AVL9: variants seen among roughly 807,000 people sequenced by gnomAD.
AVL9 encodes the protein late secretory pathway protein AVL9 homolog.
A neutral mutation model predicts 79.2 loss-of-function variants in AVL9; 49 were observed. The observed-to-expected ratio is 0.62, with a 90% CI of 0.49 to 0.79. The LOEUF (loss-of-function observed/expected upper bound fraction) is 0.79. Ranked by LOEUF, AVL9 falls within the 30% of genes least tolerant of loss-of-function variation. The pLI is 0.00. For synonymous variants in AVL9, 299 were observed against 280.6 expected, an observed-to-expected ratio of 1.07 and a Z score of -0.65; for missense variants, 682 against 776.8, an observed-to-expected ratio of 0.88 and a Z score of 1.45.
Position 32,495,642 on chromosome 7 carries a change from A to C in AVL9, c.-68A>C. ...ACCCGAAGTCCGCGGCTTTCCGCAC[A>C]CGGTGGGGTCGTCAGACCCGCTGCC... is the stretch of plus-strand genomic sequence containing the variant. On this transcript the variant is annotated 5_prime_UTR_variant, in exon 1 of 16. Transcript: ENST00000318709. The C allele has an allele frequency of 9.1e-7, 1 of 1,098,756 alleles. No homozygotes were observed. Among genetic ancestry groups the C allele is most frequent in the Non-Finnish European group, 1.2e-6 (1 of 851,342 alleles). 68.1% of individuals were successfully genotyped at this position (1,098,756 alleles called of 1,614,324 possible).
intron 1 of AVL9, among the ~76,000 whole-genome samples, chr7:32,504,112 A>T (rs1340115628): frequency 6.6e-6 from 1 of 152,238 alleles, no homozygotes; most frequent in Non-Finnish European, 1.5e-5. Flanking sequence ...GCCTCATGAA[A>T]TTTCAATATT....
intron 1 of AVL9, among the ~76,000 whole-genome samples, chr7:32,525,755 ATGT>A (rs1410086786): frequency 6.6e-6 from 1 of 152,142 alleles, no homozygotes; most frequent in Non-Finnish European, 1.5e-5. Context: ...CAAAATATTA[ATGT>A]TATTTATTTC....
chr7:32,523,742 T>C (rs998647667), intron 1 of AVL9, among the ~76,000 whole-genome samples: 2 of 146,794 alleles, frequency 1.4e-5, no homozygotes, highest in Admixed American at 1.3e-4. Flanking sequence ...TTTTCTTTTT[T>C]TTTTTTTTTG....
At chr7:32,529,668 C>A (rs1437925505) in intron 1 of AVL9, among the ~76,000 whole-genome samples, 1 of 152,198 alleles carries the variant, frequency 6.6e-6, no homozygotes, top group East Asian at 1.9e-4. Flanking sequence ...AAGGCCCATG[C>A]ATTTGAACAC....
intron 1 of AVL9, among the ~76,000 whole-genome samples, chr7:32,511,941 A>T (rs1291209231): frequency 2.0e-5 from 3 of 152,164 alleles, no homozygotes; most frequent in African/African-American, 7.2e-5. Context: ...AATAACTGAG[A>T]TGTGCTGAGA....
chr7:32,549,255 C>T (rs1468074783), intron 4 of AVL9, among the ~76,000 whole-genome samples: 1 of 148,792 alleles, frequency 6.7e-6, no homozygotes, highest in Non-Finnish European at 1.5e-5. Flanking sequence ...GACAGAGTCT[C>T]ACTCTGTTGC....
intron 1 of AVL9, among the ~76,000 whole-genome samples, chr7:32,511,000 G>T (rs1472375855): frequency 5.0e-5 from 4 of 80,772 alleles, no homozygotes; most frequent in East Asian, 7.8e-4. Flanking sequence ...GAACTGCCCC[G>T]GTATGAGGGA....
At chr7:32,500,152 T>A (rs6952375) in intron 1 of AVL9, among the ~76,000 whole-genome samples, 1,716 of 152,280 alleles carry the variant, frequency 0.011, 34 homozygotes, top group African/African-American at 0.038. Context: ...TGGTTCTAGA[T>A]CCTTGAGGAA....
At chr7:32,502,561 C>T (rs188767081) in intron 1 of AVL9, among the ~76,000 whole-genome samples, 136 of 152,040 alleles carry the variant, frequency 8.9e-4, no homozygotes, top group Non-Finnish European at 1.8e-3. Flanking sequence ...TTTAACTGAT[C>T]TCCTTTTTAG....
intron 5 of AVL9, 142 bp downstream of exon 5, chr7:32,551,565 G>A: frequency 4.0e-6 from 1 of 249,536 alleles, no homozygotes; most frequent in South Asian, 1.2e-4. Flanking sequence ...TTAAAACATT[G>A]AAAGACTAGG....
At chr7:32,558,366 C>T (rs1478674590) in intron 8 of AVL9, among the ~76,000 whole-genome samples, 193 bp from the exon 9 acceptor site, 1 of 151,958 alleles carries the variant, frequency 6.6e-6, no homozygotes, top group Admixed American at 6.5e-5. Flanking sequence ...CCATGTTGGC[C>T]AGGATGGTCT....
At chr7:32,582,568 C>T (rs762675676) in intron 15 of AVL9, among the ~76,000 whole-genome samples, 10 of 152,060 alleles carry the variant, frequency 6.6e-5, no homozygotes, top group Non-Finnish European at 1.0e-4. Context: ...CATCATTATA[C>T]GTTATTATTT....
At chr7:32,511,297 C>A (rs1328908681) in intron 1 of AVL9, among the ~76,000 whole-genome samples, 1 of 149,976 alleles carries the variant, frequency 6.7e-6, no homozygotes, top group Non-Finnish European at 1.5e-5. Flanking sequence ...AACCATCTCC[C>A]CAGGGTAAGA....
At chr7:32,495,987 C>A (rs531127368) in intron 1 of AVL9, among the ~76,000 whole-genome samples, 185 bp downstream of exon 1, 1 of 152,314 alleles carries the variant, frequency 6.6e-6, no homozygotes, top group African/African-American at 2.4e-5. Context: ...AGCCCAGCCC[C>A]CACAACCTCT....
chr7:32,583,188 T>A lies in AVL9; in HGVS notation c.1832-604T>A, dbSNP rs376271128. 2.2e-4 allele frequency among the ~76,000 whole-genome samples: 34 copies of A among 152,302 alleles called. No homozygotes were observed. The South Asian group carries it at 6.2e-3, about 28-fold the overall frequency. Reference sequence around the variant, plus strand: ...CACAAAGCAGTTTGACTTTTTAAGCTCTCTAATAATTCTGATACATAGCCA... The same window carrying A: ...CACAAAGCAGTTTGACTTTTTAAGCACTCTAATAATTCTGATACATAGCCA... On this transcript the variant is annotated intron_variant, in intron 15 of 15. Coordinates refer to ENST00000318709, the MANE Select transcript of AVL9 (RefSeq NM_015060.3).
chr7:32,506,334 T>C (rs1205184961), intron 1 of AVL9, among the ~76,000 whole-genome samples: 1 of 152,174 alleles, frequency 6.6e-6, no homozygotes, highest in Non-Finnish European at 1.5e-5. Flanking sequence ...GGGGTCATTA[T>C]TAAGTAAAAT....
At position 32,570,170 on chromosome 7, in the gene AVL9, AGT is replaced by A. The variant is rs758869252; in HGVS notation, c.1350+23_1350+24del. ...CATTGTGGAAGTACGTTTATGTGTGAGTGTGTGTATTTGGCCCTGCTCATCCC... is the reference window on the plus strand; with the variant it reads ...CATTGTGGAAGTACGTTTATGTGTGAGTGTGTATTTGGCCCTGCTCATCCC... On this transcript the variant is annotated intron_variant, in intron 11 of 15. Coordinates refer to ENST00000318709, the MANE Select transcript of AVL9 (RefSeq NM_015060.3). The A allele has an allele frequency of 6.2e-6, 10 of 1,613,798 alleles. No individual in the cohort carries two copies. The African/African-American group carries it at 1.2e-4, about 19-fold the overall frequency.
chr7:32,552,738 T>G (rs554157957), intron 6 of AVL9, among the ~76,000 whole-genome samples: 22 of 151,760 alleles, frequency 1.4e-4, no homozygotes, highest in South Asian at 2.1e-4. Context: ...TTGTTTTGGG[T>G]TTTTTTTGTA....
chr7:32,575,166 T>C (rs2128151760), intron 12 of AVL9, among the ~76,000 whole-genome samples: 1 of 152,304 alleles, frequency 6.6e-6, no homozygotes, highest in Middle Eastern at 3.4e-3. Flanking sequence ...TGGCATGATG[T>C]TGGCTCACTG....
Sources: allele counts gnomAD v4.1 joint callset (sites outside exome capture counted in the v4.1 genomes callset), GRCh38; gene constraint gnomAD v4.1.1; transcripts MANE v1.5; gene names NCBI Gene and HGNC (gene_info 2026-07-23, HGNC 2026-07-21).